The following ST3GAL1 variants were observed in gnomAD, a reference collection of about 807,000 sequenced individuals.
ST3GAL1 encodes the protein CMP-N-acetylneuraminate-beta-galactosamide-alpha-2,3-sialyltransferase 1.
In ST3GAL1, 16 loss-of-function variants were observed where a neutral mutation model predicts 34.1. The ratio of observed to expected loss-of-function variants is 0.47; its 90% confidence interval spans 0.32 to 0.71. The LOEUF (loss-of-function observed/expected upper bound fraction) is 0.71. ST3GAL1 is among the 30% of genes least tolerant of loss of function. ST3GAL1 has a pLI of 0.04. For synonymous variants in ST3GAL1, 191 were observed against 184.7 expected, an observed-to-expected ratio of 1.03 and a Z score of -0.28; for missense variants, 353 against 447.4, an observed-to-expected ratio of 0.79 and a Z score of 1.90.
At chr8:133,547,217 A>G (rs1352615319) in intron 1 of ST3GAL1, among the ~76,000 whole-genome samples, 1 of 152,126 alleles carries the variant, frequency 6.6e-6, no homozygotes, top group Non-Finnish European at 1.5e-5. Flanking sequence ...GGTGACATAA[A>G]TAAAGGCTTT....
chr8:133,554,335 A>G (rs1357803969), intron 1 of ST3GAL1, among the ~76,000 whole-genome samples: 1 of 152,128 alleles, frequency 6.6e-6, no homozygotes, highest in Non-Finnish European at 1.5e-5. Flanking sequence ...AGCGAATGAC[A>G]TGAATGAGCC....
At chr8:133,514,640 C>T (rs1817591814) in intron 2 of ST3GAL1, among the ~76,000 whole-genome samples, 5 of 152,118 alleles carry the variant, frequency 3.3e-5, no homozygotes, top group South Asian at 2.1e-4. Context: ...AGAAGCTCCT[C>T]GTACTCCTGC....
intron 3 of ST3GAL1, among the ~76,000 whole-genome samples, chr8:133,487,827 G>T (rs1816662052): frequency 6.6e-6 from 1 of 152,176 alleles, no homozygotes; most frequent in East Asian, 1.9e-4. Context: ...AATTAGCTGG[G>T]TGTGGTGGCG....
At chr8:133,464,372 C>T (rs1815645360) in intron 7 of ST3GAL1, among the ~76,000 whole-genome samples, 1 of 152,156 alleles carries the variant, frequency 6.6e-6, no homozygotes, top group Non-Finnish European at 1.5e-5. Flanking sequence ...CTGCACTCCC[C>T]ACTCCTCATT....
In ST3GAL1 at chr8:133,462,397, G is replaced by A. The variant is rs115702728; in HGVS notation, c.730-403C>T. Among the ~76,000 whole-genome samples, 446 of 152,214 alleles carry A rather than the reference G, an allele frequency of 2.9e-3. 1 individual carries two copies. Among genetic ancestry groups the A allele is most frequent in the African/African-American group, 9.8e-3 (406 of 41,526 alleles). On this transcript the variant is annotated intron_variant, in intron 8 of 9. Transcript: ENST00000522652. ...CATATGCACCAAGCCACCTGATGAT[G>A]GCTGGAATCATCGCCAATCCTTAAA...
chr8:133,485,582 G>A (rs1036126341), intron 3 of ST3GAL1, among the ~76,000 whole-genome samples: 2 of 152,176 alleles, frequency 1.3e-5, no homozygotes, highest in Non-Finnish European at 2.9e-5. Context: ...GCTCAGAAAC[G>A]GGAAGTGACT....
intron 2 of ST3GAL1, among the ~76,000 whole-genome samples, chr8:133,509,303 C>A (rs1256436881): frequency 6.6e-6 from 1 of 152,214 alleles, no homozygotes; most frequent in Non-Finnish European, 1.5e-5. Context: ...TTGAATATTT[C>A]CATCACTGGG....
At chr8:133,535,608 C>T (rs1299465611) in intron 2 of ST3GAL1, among the ~76,000 whole-genome samples, 1 of 150,636 alleles carries the variant, frequency 6.6e-6, no homozygotes, top group Non-Finnish European at 1.5e-5. Context: ...CCTCAGTTTC[C>T]CAAGTGACTA....
At chr8:133,524,467 G>A (rs1178921682) in intron 2 of ST3GAL1, among the ~76,000 whole-genome samples, 1 of 152,220 alleles carries the variant, frequency 6.6e-6, no homozygotes, top group Admixed American at 6.5e-5. Context: ...ACACCTCTGT[G>A]GCCAGCAGCG....
At chr8:133,478,890 C>T (rs1256671409) in intron 3 of ST3GAL1, among the ~76,000 whole-genome samples, 1 of 152,190 alleles carries the variant, frequency 6.6e-6, no homozygotes, top group Non-Finnish European at 1.5e-5. Flanking sequence ...ACTCAATGCT[C>T]AGTGGAGGCT....
At chr8:133,518,198 G>A (rs922059961) in intron 2 of ST3GAL1, among the ~76,000 whole-genome samples, 5 of 152,236 alleles carry the variant, frequency 3.3e-5, no homozygotes, top group Admixed American at 6.5e-5. Flanking sequence ...AGTCAGTGGA[G>A]GGCTGACCAG....
intron 8 of ST3GAL1, 22 bp downstream of exon 8, chr8:133,463,392 A>C: frequency 6.2e-7 from 1 of 1,613,642 alleles, no homozygotes; most frequent in Non-Finnish European, 8.5e-7. Flanking sequence ...CTTAGAACAG[A>C]GGGGCCGGGG....
intron 2 of ST3GAL1, among the ~76,000 whole-genome samples, chr8:133,531,359 A>T (rs999052776): frequency 1.3e-5 from 2 of 152,228 alleles, no homozygotes; most frequent in Non-Finnish European, 2.9e-5. Flanking sequence ...GTAGCTATAG[A>T]TACATAACCT....
At chr8:133,506,181 G>C (rs1215199967) in intron 2 of ST3GAL1, among the ~76,000 whole-genome samples, 1 of 152,132 alleles carries the variant, frequency 6.6e-6, no homozygotes, top group East Asian at 1.9e-4. Context: ...TTCTGGGCCA[G>C]ACTGACTTGC....
intron 1 of ST3GAL1, among the ~76,000 whole-genome samples, chr8:133,568,498 G>A (rs1819472873): frequency 6.6e-6 from 1 of 152,204 alleles, no homozygotes; most frequent in African/African-American, 2.4e-5. Flanking sequence ...TCTTCCATCA[G>A]CCTGTGGAGT....
chr8:133,491,012 C>T lies in ST3GAL1; in HGVS notation c.-374+8123G>A, dbSNP rs115391321. Among the ~76,000 whole-genome samples the T allele has an allele frequency of 4.0e-3, 602 of 152,166 alleles. 6 individuals carry two copies. Among genetic ancestry groups the T allele is most frequent in the African/African-American group, 0.014 (562 of 41,476 alleles). On this transcript the variant is annotated intron_variant, in intron 3 of 9. Transcript: ENST00000522652. ...TTGGGAGAACCCTTCGATGTGCTTG[C>T]AAATCTTCCTCTTTGCACCTTAGTG... is the stretch of plus-strand genomic sequence containing the variant.
intron 2 of ST3GAL1, among the ~76,000 whole-genome samples, chr8:133,537,664 C>T (rs1240571135): frequency 1.3e-5 from 2 of 152,190 alleles, no homozygotes; most frequent in Non-Finnish European, 2.9e-5. Flanking sequence ...GAACCCTCTA[C>T]AGCTTGCACA....
chr8:133,507,440 C>T (rs1008654916), intron 2 of ST3GAL1, among the ~76,000 whole-genome samples: 4 of 152,234 alleles, frequency 2.6e-5, no homozygotes, highest in African/African-American at 9.6e-5. Context: ...GGCTTCGAGT[C>T]CTGGCACTGC....
chr8:133,570,508 A>T lies in ST3GAL1; in HGVS notation c.-582+1185T>A, dbSNP rs1784943346. 6.6e-6 allele frequency: 1 copy of T among 151,410 alleles called. No homozygotes were observed. Among genetic ancestry groups the T allele is most frequent in the Non-Finnish European group, 1.5e-5 (1 of 67,958 alleles). 9.4% of individuals were successfully genotyped at this position (151,410 alleles called of 1,614,324 possible). A position where few individuals can be genotyped will look rare whatever the true frequency, so the allele number is the denominator to read the frequency against. On this transcript the variant is annotated intron_variant, in intron 1 of 9. Coordinates refer to ENST00000522652, the MANE Select transcript of ST3GAL1 (RefSeq NM_173344.3). The surrounding 1 kb of genome is among the most constrained non-coding windows in gnomAD (Gnocchi z 5.6). ...CCCGCGCATGGTACGGCCGCCGAGG[A>T]CCCTAGCGTAGGAGGGAGGAGCGAG...
Sources: allele counts gnomAD v4.1 joint callset (sites outside exome capture counted in the v4.1 genomes callset), GRCh38; gene constraint gnomAD v4.1.1; non-coding constraint Gnocchi (gnomAD v3.1); transcripts MANE v1.5; gene names NCBI Gene and HGNC (gene_info 2026-07-23, HGNC 2026-07-21).